Variants in EGFR observed in about 807,000 individuals in gnomAD.
EGFR encodes the protein epidermal growth factor receptor.
In EGFR, 58 loss-of-function variants were observed where a neutral mutation model predicts 143.0. That is an observed-to-expected ratio of 0.41 (90% confidence interval 0.33 to 0.50). The LOEUF is 0.50. Ranked by LOEUF, EGFR falls within the 20% of genes least tolerant of loss-of-function variation. The pLI, the probability that EGFR is intolerant of heterozygous loss-of-function variation, is 0.39. For missense variants in EGFR, 1,307 were observed against 1,579.0 expected (o/e 0.83, Z 2.92); for synonymous variants, 613 against 594.4 (o/e 1.03, Z -0.45).
Position 55,208,450 on chromosome 7 carries a change from C to G in EGFR, c.*2833C>G, listed in dbSNP as rs1003032277. 1.3e-5 allele frequency: 2 copies of G among 152,214 alleles called. No homozygotes were observed. The highest frequency in any genetic ancestry group is 4.8e-5 in the African/African-American group (2 of 41,432). 9.4% of individuals were successfully genotyped at this position (152,214 alleles called of 1,614,324 possible). A position where few individuals can be genotyped will look rare whatever the true frequency, so the allele number is the denominator to read the frequency against. On this transcript the variant is annotated 3_prime_UTR_variant, in exon 28 of 28. Transcript: ENST00000275493. ...TTCCTGGAAGACCTTACCCCATGAC[C>G]CCAGCTTCAGATGTGGTCTTTGGAA...
chr7:55,022,462 C>T (rs886735782), intron 1 of EGFR, among the ~76,000 whole-genome samples: 1 of 152,192 alleles, frequency 6.6e-6, no homozygotes, highest in African/African-American at 2.4e-5. Context: ...CCCGGCCTGG[C>T]AATTGGGACC....
chr7:55,114,352 G>A (rs1018861852), intron 1 of EGFR, among the ~76,000 whole-genome samples: 1 of 152,124 alleles, frequency 6.6e-6, no homozygotes, highest in Non-Finnish European at 1.5e-5. Context: ...CAGGTGTAGT[G>A]GCACATGCCT....
chr7:55,137,947 T>A (rs1378718497), intron 1 of EGFR, among the ~76,000 whole-genome samples: 4 of 152,166 alleles, frequency 2.6e-5, no homozygotes, highest in African/African-American at 9.7e-5. Flanking sequence ...TTAAGATTAA[T>A]CCTCTCACAG....
At chr7:55,203,141 C>G (rs1210159059) in intron 27 of EGFR, 1 of 244,574 alleles carries the variant, frequency 4.1e-6, no homozygotes, top group African/African-American at 2.2e-5. Context: ...ATACACACAC[C>G]ACACACATAC....
chr7:55,100,467 G>A (rs1398613429), intron 1 of EGFR, among the ~76,000 whole-genome samples: 1 of 152,250 alleles, frequency 6.6e-6, no homozygotes, highest in Admixed American at 6.5e-5. Flanking sequence ...TCTGAGGTGG[G>A]TGGGAGGCCC....
At chr7:55,088,688 C>T (rs1790916368) in intron 1 of EGFR, among the ~76,000 whole-genome samples, 1 of 152,210 alleles carries the variant, frequency 6.6e-6, no homozygotes, top group Non-Finnish European at 1.5e-5. Flanking sequence ...CTAATGGGAC[C>T]TTAACCATGT....
intron 1 of EGFR, among the ~76,000 whole-genome samples, chr7:55,120,461 G>A (rs140078071): frequency 6.0e-4 from 91 of 152,350 alleles, no homozygotes; most frequent in African/African-American, 2.1e-3. Flanking sequence ...AGTAGAGAAA[G>A]CAATGTATTA....
At chr7:55,155,232 A>G (rs1404015761) in intron 7 of EGFR, among the ~76,000 whole-genome samples, 2 of 152,368 alleles carry the variant, frequency 1.3e-5, no homozygotes, top group African/African-American at 4.8e-5. Flanking sequence ...GTCTGAGGTC[A>G]GGAGTTTGGG....
At chr7:55,025,046 G>A (rs1786803498) in intron 1 of EGFR, among the ~76,000 whole-genome samples, 1 of 152,232 alleles carries the variant, frequency 6.6e-6, no homozygotes, top group Admixed American at 6.5e-5. Context: ...AAGTTCTTGA[G>A]AGTGCTAGTA....
intron 15 of EGFR, chr7:55,170,246 G>A: frequency 6.2e-7 from 1 of 1,613,062 alleles, no homozygotes; most frequent in South Asian, 1.1e-5. Flanking sequence ...AGATTATAGT[G>A]TTACACCAGG....
chr7:55,158,954 C>T lies in EGFR; in HGVS notation c.1299-1185C>T, dbSNP rs78907420. ...GAGAAGCCTCTGGATGATACTCTAA[C>T]CCCCTGCCATCCAACACCTGAACAT... On this transcript the variant is annotated intron_variant, in intron 11 of 27. Coordinates refer to ENST00000275493, the MANE Select transcript of EGFR (RefSeq NM_005228.5). Among the ~76,000 whole-genome samples the T allele has an allele frequency of 4.4e-3, 676 of 152,338 alleles. 6 individuals are homozygous for T. The highest frequency in any genetic ancestry group is 0.015 in the African/African-American group (639 of 41,574).
intron 21 of EGFR, among the ~76,000 whole-genome samples, chr7:55,192,499 T>A (rs939539869): frequency 2.0e-5 from 3 of 152,070 alleles, no homozygotes; most frequent in Non-Finnish European, 4.4e-5. Context: ...CCTGGATGAG[T>A]GAGGCCACTG....
chr7:55,111,741 C>G (rs1228722608), intron 1 of EGFR, among the ~76,000 whole-genome samples: 1 of 152,126 alleles, frequency 6.6e-6, no homozygotes, highest in African/African-American at 2.4e-5. Flanking sequence ...TCTGTAAAGA[C>G]CTGTCCTTCT....
chr7:55,208,582 T>A lies in EGFR; in HGVS notation c.*2965T>A, dbSNP rs1200109260. 1 of 152,112 alleles carries A rather than the reference T, an allele frequency of 6.6e-6. No homozygotes were observed. The highest frequency in any genetic ancestry group is 2.4e-5 in the African/African-American group (1 of 41,444). The allele number at this position is 152,112 out of a possible 1,614,324, so 9.4% of individuals were successfully genotyped here. The stretch of plus-strand genomic sequence containing the variant: ...CTAAGGAGCTCCTCTAATTACACCA[T>A]GCCCGTCACCCCATGAGGGATCAGA... On this transcript the variant is annotated 3_prime_UTR_variant, in exon 28 of 28. Coordinates refer to ENST00000275493, the MANE Select transcript of EGFR (RefSeq NM_005228.5).
chr7:55,192,004 GCTGCTGCTGGCAGCTGGGTCCAGC>G, intron 21 of EGFR, 130 bp downstream of exon 21: 1 of 1,391,802 alleles, frequency 7.2e-7, no homozygotes, highest in Non-Finnish European at 9.9e-7. Flanking sequence ...GCTCGCAGCA[GCTGCTGCTGGCAGCTGGGTCCAGC>G]CAGGGTCTCC....
At chr7:55,067,922 G>C (rs959767438) in intron 1 of EGFR, among the ~76,000 whole-genome samples, 1 of 151,138 alleles carries the variant, frequency 6.6e-6, no homozygotes, top group African/African-American at 2.5e-5. Flanking sequence ...CTGTGTATGT[G>C]TGTCTGCGCA....
intron 1 of EGFR, among the ~76,000 whole-genome samples, chr7:55,053,223 C>A (rs1788592499): frequency 6.6e-6 from 1 of 152,088 alleles, no homozygotes; most frequent in South Asian, 2.1e-4. Flanking sequence ...AGGAAAACCC[C>A]TGTGGTTTCT....
intron 1 of EGFR, among the ~76,000 whole-genome samples, chr7:55,022,087 G>T (rs746429918): frequency 6.6e-6 from 1 of 152,136 alleles, no homozygotes; most frequent in Non-Finnish European, 1.5e-5. Flanking sequence ...CGGGCTGTCC[G>T]GCAGTCTGCA....
chr7:55,092,418 G>A (rs1791181807), intron 1 of EGFR, among the ~76,000 whole-genome samples: 1 of 152,192 alleles, frequency 6.6e-6, no homozygotes, highest in African/African-American at 2.4e-5. Context: ...CTGCACTTAA[G>A]TGGCCACATT....
Sources: allele counts gnomAD v4.1 joint callset (sites outside exome capture counted in the v4.1 genomes callset), GRCh38; gene constraint gnomAD v4.1.1; transcripts MANE v1.5; gene names NCBI Gene and HGNC (gene_info 2026-07-23, HGNC 2026-07-21).